The following CDH18 variants were observed in gnomAD, a reference collection of about 807,000 sequenced individuals.
CDH18 encodes cadherin-18.
A neutral mutation model predicts 67.9 loss-of-function variants in CDH18; 31 were observed. That is an observed-to-expected ratio of 0.46 (90% CI 0.34 to 0.62). The LOEUF is 0.62. Ranked by LOEUF, CDH18 falls within the 20% of genes least tolerant of loss-of-function variation. The pLI is 0.01. For missense variants in CDH18, 890 were observed against 975.5 expected (o/e 0.91, Z 1.17); for synonymous variants, 362 against 347.2 (o/e 1.04, Z -0.48).
At chr5:20,056,298 G>A (rs1171128845) in intron 2 of CDH18, among the ~76,000 whole-genome samples, 7 of 146,268 alleles carry the variant, frequency 4.8e-5, no homozygotes, top group Non-Finnish European at 1.1e-4. Context: ...GCCACCACAC[G>A]CAGCCAAGTC....
At chr5:20,156,249 A>C (rs1751513347) in intron 2 of CDH18, among the ~76,000 whole-genome samples, 1 of 152,180 alleles carries the variant, frequency 6.6e-6, no homozygotes, top group Non-Finnish European at 1.5e-5. Context: ...AAAAAGGAGA[A>C]GAAATCATTA....
At chr5:20,125,933 T>A (rs1049756438) in intron 2 of CDH18, among the ~76,000 whole-genome samples, 1 of 152,154 alleles carries the variant, frequency 6.6e-6, no homozygotes, top group Non-Finnish European at 1.5e-5. Context: ...AATATCCTAA[T>A]GGAATTTTTT....
chr5:20,025,440 T>C (rs555840203), intron 2 of CDH18, among the ~76,000 whole-genome samples: 2 of 152,334 alleles, frequency 1.3e-5, no homozygotes, highest in African/African-American at 4.8e-5. Flanking sequence ...GTATTTCCAA[T>C]AATTCTACTG....
Position 20,090,985 on chromosome 5 carries a change from G to A in CDH18, c.-517-98971C>T, listed in dbSNP as rs79302700. 7.9e-3 allele frequency among the ~76,000 whole-genome samples: 1,192 copies of A among 151,716 alleles called. 73 individuals are homozygous for A. In the East Asian group the frequency reaches 0.17, roughly 22 times the overall value. On this transcript the variant is annotated intron_variant, in intron 2 of 14. Coordinates refer to the CDH18 transcript ENST00000507958. Reference sequence around the variant, plus strand: ...GAATGACTTGAGCCTGGGATATCGAGGCTTCAGTGAGCTGAGATTGCACCA... The same window carrying A: ...GAATGACTTGAGCCTGGGATATCGAAGCTTCAGTGAGCTGAGATTGCACCA...
chr5:20,042,112 T>C (rs747769423), intron 2 of CDH18, among the ~76,000 whole-genome samples: 13 of 152,234 alleles, frequency 8.5e-5, no homozygotes, highest in Non-Finnish European at 1.6e-4. Flanking sequence ...TGACATGTTC[T>C]AAAGCCAAAT....
rs188105491 is a variant in CDH18 at position 20,363,345 on chromosome 5, T to C, written c.-579-107840A>G. ...ACTAAAAATACGAAAGTAAGCCAGG[T>C]GTGGTGGCACGTGCCTGTAATCCCA... On this transcript the variant is annotated intron_variant, in intron 1 of 14. Coordinates refer to the CDH18 transcript ENST00000507958. 5.9e-5 allele frequency among the ~76,000 whole-genome samples: 9 copies of C among 151,808 alleles called. No homozygotes were observed. The East Asian group carries it at 1.7e-3, about 30-fold the overall frequency.
intron 1 of CDH18, among the ~76,000 whole-genome samples, chr5:20,397,345 T>C (rs1745374134): frequency 6.6e-6 from 1 of 152,102 alleles, no homozygotes; most frequent in African/African-American, 2.4e-5. Flanking sequence ...CTGGCCGGGC[T>C]GGCCTAGAAC....
At chr5:19,826,703 A>G (rs1038526040) in intron 3 of CDH18, among the ~76,000 whole-genome samples, 1 of 152,242 alleles carries the variant, frequency 6.6e-6, no homozygotes, top group African/African-American at 2.4e-5. Flanking sequence ...TGTTACCACC[A>G]GACCTGCCTA....
rs1363035201 is a variant in CDH18, at chr5:19,483,454, A to G, written c.1729T>C (p.Ser577Pro). ...PIMISDGGIPSLSSSSTLTIR... is the reference protein window; with the variant it reads ...PIMISDGGIPPLSSSSTLTIR... ...GTGAGGGTGCTGCTGCTGCTGAGAG[A>G]GGGGATTCCACCATCAGAGATCATA... Residue 577 changes from serine (S) to proline (P), a missense_variant, in exon 12 of 13, where the codon TCT becomes CCT. Transcript: ENST00000382275. 1.2e-5 allele frequency: 19 copies of G among 1,614,130 alleles called. No individual in the cohort carries two copies. The highest frequency in any genetic ancestry group is 1.4e-5 in the Non-Finnish European group (17 of 1,180,010).
chr5:20,395,412 A>T (rs1745206103), intron 1 of CDH18, among the ~76,000 whole-genome samples: 1 of 152,134 alleles, frequency 6.6e-6, no homozygotes, highest in East Asian at 1.9e-4. Flanking sequence ...AGGCCTGCAG[A>T]GTGGTGTAAT....
intron 1 of CDH18, among the ~76,000 whole-genome samples, chr5:20,480,254 A>T (rs1752700057): frequency 6.6e-6 from 1 of 152,202 alleles, no homozygotes; most frequent in Non-Finnish European, 1.5e-5. Context: ...TAACACTGAA[A>T]ATGTGGTATG....
intron 1 of CDH18, among the ~76,000 whole-genome samples, chr5:20,563,522 A>C (rs1241735750): frequency 1.3e-5 from 2 of 152,098 alleles, no homozygotes; most frequent in East Asian, 3.9e-4. Flanking sequence ...TAAATAAATA[A>C]AATTTAGAAA....
intron 2 of CDH18, among the ~76,000 whole-genome samples, chr5:20,064,724 A>G (rs1366247944): frequency 3.3e-5 from 5 of 152,002 alleles, no homozygotes; most frequent in Non-Finnish European, 5.9e-5. Flanking sequence ...CAGAACTTCT[A>G]TTGAAAGTTA....
chr5:20,133,904 C>G (rs1362613612), intron 2 of CDH18, among the ~76,000 whole-genome samples: 1 of 152,106 alleles, frequency 6.6e-6, no homozygotes, highest in Non-Finnish European at 1.5e-5. Flanking sequence ...CTGTTCTGCT[C>G]TCTCTTACTT....
At chr5:20,159,385 T>G (rs1268803509) in intron 2 of CDH18, among the ~76,000 whole-genome samples, 8 of 152,154 alleles carry the variant, frequency 5.3e-5, no homozygotes, top group Non-Finnish European at 1.0e-4. Flanking sequence ...GGAGGAGGAA[T>G]CTGGGATGAA....
intron 4 of CDH18, among the ~76,000 whole-genome samples, chr5:19,726,662 T>C (rs1052022925): frequency 6.6e-6 from 1 of 152,216 alleles, no homozygotes; most frequent in African/African-American, 2.4e-5. Flanking sequence ...AATATATTCG[T>C]ATCTTAAATT....
chr5:19,942,131 G>A (rs1794886600), intron 2 of CDH18, among the ~76,000 whole-genome samples: 1 of 152,096 alleles, frequency 6.6e-6, no homozygotes, highest in Non-Finnish European at 1.5e-5. Flanking sequence ...TATTAAACCA[G>A]GGATCAAGAT....
intron 1 of CDH18, among the ~76,000 whole-genome samples, chr5:20,511,199 C>T (rs906699757): frequency 2.0e-5 from 3 of 151,950 alleles, no homozygotes; most frequent in Admixed American, 2.0e-4. Context: ...TGATAGTACA[C>T]CAGAAGAAAA....
intron 2 of CDH18, among the ~76,000 whole-genome samples, chr5:19,932,829 T>C (rs960238160): frequency 6.6e-6 from 1 of 151,622 alleles, no homozygotes; most frequent in African/African-American, 2.4e-5. Flanking sequence ...TACCTAGATA[T>C]ACCATTAGAC....
Sources: gnomAD v4.1 joint callset for allele counts (sites outside exome capture counted in the v4.1 genomes callset) on GRCh38, gnomAD v4.1.1 for gene constraint, MANE v1.5 for transcripts, NCBI Gene and HGNC (gene_info 2026-07-23, HGNC 2026-07-21) for gene names.